Variants in CORO2A observed in about 807,000 individuals in gnomAD.
The protein encoded by CORO2A is coronin 2A.
In CORO2A, 47 loss-of-function variants were observed where a neutral mutation model predicts 62.4. That is an observed-to-expected ratio of 0.75 (90% confidence interval 0.60 to 0.96). The LOEUF (loss-of-function observed/expected upper bound fraction) is 0.96. Among genes scored for constraint, CORO2A ranks in the 40% least tolerant of loss-of-function variants. The pLI is 0.00. For missense variants in CORO2A, 610 were observed against 684.1 expected (o/e 0.89, Z 1.21); for synonymous variants, 273 against 268.9 (o/e 1.02, Z -0.15).
At chr9:98,147,775 G>T (rs1276961498) in intron 2 of CORO2A, among the ~76,000 whole-genome samples, 2 of 152,154 alleles carry the variant, frequency 1.3e-5, no homozygotes, top group African/African-American at 4.8e-5. Context: ...CGCACTCCTG[G>T]CCCTTTATGC....
chr9:98,175,306 C>T (rs780449804), intron 1 of CORO2A, among the ~76,000 whole-genome samples: 3 of 152,138 alleles, frequency 2.0e-5, no homozygotes, highest in Non-Finnish European at 2.9e-5. Context: ...CATGCCTGGA[C>T]GATATTTCCC....
intron 1 of CORO2A, among the ~76,000 whole-genome samples, chr9:98,184,522 G>A (rs1255098265): frequency 6.6e-6 from 1 of 152,158 alleles, no homozygotes; most frequent in Non-Finnish European, 1.5e-5. Context: ...TGACATGGTG[G>A]CCCTCTCTCT....
intron 1 of CORO2A, among the ~76,000 whole-genome samples, chr9:98,191,124 G>A (rs143545016): frequency 2.6e-4 from 39 of 152,350 alleles, no homozygotes; most frequent in Admixed American, 2.0e-3. Context: ...AAGACCAGGA[G>A]GCTGAGAAGT....
Position 98,180,384 on chromosome 9 carries a change from C to T in CORO2A, c.-1+12175G>A, listed in dbSNP as rs111592449. Among the ~76,000 whole-genome samples the T allele has an allele frequency of 7.6e-3, 1,157 of 152,182 alleles. 8 individuals carry two copies. Among genetic ancestry groups the T allele is most frequent in the Non-Finnish European group, 0.013 (872 of 68,004 alleles). On this transcript the variant is annotated intron_variant, in intron 1 of 11. Coordinates refer to ENST00000375077, the MANE Select transcript of CORO2A (RefSeq NM_052820.4). ...TCCAGGAAGTCTTCCTGCAAGCATT[C>T]CCATCCATCCCCTCGCAGGCCATGG...
intron 2 of CORO2A, among the ~76,000 whole-genome samples, chr9:98,155,342 ATTT>A (rs11379239): frequency 3.9e-5 from 4 of 101,856 alleles, no homozygotes; most frequent in Non-Finnish European, 7.6e-5. Flanking sequence ...TTATTGCTCA[ATTT>A]TTTTTTTTTT....
At chr9:98,157,407 C>T in intron 2 of CORO2A, 53 bp downstream of exon 2, 8 of 1,559,744 alleles carry the variant, frequency 5.1e-6, no homozygotes, top group Non-Finnish European at 7.0e-6. Context: ...TTCCACTTTC[C>T]CTCTGTCCTG....
At chr9:98,126,255 T>C (rs1326763328) in intron 11 of CORO2A, among the ~76,000 whole-genome samples, 7 of 150,698 alleles carry the variant, frequency 4.6e-5, no homozygotes, top group South Asian at 2.1e-4. Flanking sequence ...ATGCTGGTCT[T>C]GAACTCCTGA....
Position 98,185,102 on chromosome 9 carries a change from G to A in CORO2A, c.-1+7457C>T, listed in dbSNP as rs535644675. On this transcript the variant is annotated intron_variant, in intron 1 of 11. Transcript: ENST00000375077. ...TTTTTCTACCCTTCATAGTCTGGCC[G>A]TCTCCAAATCACACTAACAACCCAG... Among the ~76,000 whole-genome samples, 166 of 152,172 alleles carry A rather than the reference G, an allele frequency of 1.1e-3. 2 individuals carry two copies. In the Middle Eastern group the frequency reaches 0.014, roughly 12 times the overall value.
chr9:98,129,729 T>C, intron 8 of CORO2A, 65 bp downstream of exon 8: 1 of 1,279,354 alleles, frequency 7.8e-7, no homozygotes. Flanking sequence ...CTGACCCTGA[T>C]TCTCCCACCT....
intron 1 of CORO2A, among the ~76,000 whole-genome samples, chr9:98,177,791 T>G (rs1267021892): frequency 6.6e-6 from 1 of 151,652 alleles, no homozygotes; most frequent in Non-Finnish European, 1.5e-5. Context: ...TCTTATATTA[T>G]ATACAAGTAA....
chr9:98,172,858 TAA>T (rs1353825962), intron 1 of CORO2A: 1 of 152,234 alleles, frequency 6.6e-6, no homozygotes, highest in Non-Finnish European at 1.5e-5. Context: ...TTATGAGGAT[TAA>T]AAGAGTCCAG....
chr9:98,178,694 G>A (rs1033684312), intron 1 of CORO2A, among the ~76,000 whole-genome samples: 1 of 152,192 alleles, frequency 6.6e-6, no homozygotes, highest in South Asian at 2.1e-4. Flanking sequence ...CCCAGCTGGC[G>A]AGTGTGTCTC....
chr9:98,128,111 C>T, intron 10 of CORO2A, 59 bp downstream of exon 10: 3 of 1,402,392 alleles, frequency 2.1e-6, no homozygotes, highest in South Asian at 1.2e-5. Context: ...TTGCTTGGGG[C>T]CACTGGGCAC....
rs1186906782 is a variant in CORO2A, at chr9:98,126,575, A to T, written c.1420T>A (p.Cys474Ser). ...TCATTCTCTGTCTTTGGTGGGGGGC[A>T]TTCGAAAACGTCAAAGCCATTTGTC... Reference protein sequence around the residue: ...WLTNGFDVFECPPPKTENELL... With the variant: ...WLTNGFDVFESPPPKTENELL... Residue 474 changes from cysteine to serine, a missense_variant, in exon 11 of 12, where the codon TGC (cysteine) becomes AGC (serine). By Grantham distance (112) the Cys-to-Ser change is moderately radical. Coordinates refer to ENST00000375077, the MANE Select transcript of CORO2A (RefSeq NM_052820.4). 1.2e-6 allele frequency: 2 copies of T among 1,613,826 alleles called. No homozygotes were observed. Among genetic ancestry groups the T allele is most frequent in the Admixed American group, 3.3e-5 (2 of 59,998 alleles).
intron 2 of CORO2A, among the ~76,000 whole-genome samples, chr9:98,151,425 T>TATCC (rs1272981735): frequency 3.3e-5 from 5 of 152,344 alleles, no homozygotes; most frequent in African/African-American, 1.2e-4. Context: ...TATTCCTAGG[T>TATCC]ATCCAATCTT....
chr9:98,167,934 T>C (rs1395627119), intron 1 of CORO2A, among the ~76,000 whole-genome samples: 1 of 152,232 alleles, frequency 6.6e-6, no homozygotes, highest in African/African-American at 2.4e-5. Context: ...TTCATTTGAA[T>C]CTTTCCTTTA....
At chr9:98,132,143 T>C (rs1827417036) in intron 6 of CORO2A, 42 bp downstream of exon 6, 5 of 1,435,706 alleles carry the variant, frequency 3.5e-6, no homozygotes, top group Non-Finnish European at 3.9e-6. Flanking sequence ...ACACTGGCTC[T>C]CAGCTGAGGG....
At chr9:98,144,699 A>G (rs1051661895) in intron 2 of CORO2A, among the ~76,000 whole-genome samples, 1 of 152,158 alleles carries the variant, frequency 6.6e-6, no homozygotes, top group Non-Finnish European at 1.5e-5. Context: ...GACTTTGACC[A>G]GGTCAGGTGG....
At chr9:98,137,474 A>G in intron 3 of CORO2A, 98 bp downstream of exon 3, 3 of 942,892 alleles carry the variant, frequency 3.2e-6, no homozygotes, top group Non-Finnish European at 5.2e-6. Context: ...TCCGCGATGG[A>G]GTCAGGGGCA....
Sources: allele counts gnomAD v4.1 joint callset (sites outside exome capture counted in the v4.1 genomes callset), GRCh38; gene constraint gnomAD v4.1.1; transcripts MANE v1.5; gene names NCBI Gene and HGNC (gene_info 2026-07-23, HGNC 2026-07-21).